NRG1: variants seen among roughly 807,000 people sequenced by gnomAD.
The protein encoded by NRG1 is pro-neuregulin-1, membrane-bound isoform.
Under a neutral mutation model 63.8 loss-of-function variants are expected in NRG1, and 18 were observed. The ratio of observed to expected loss-of-function variants is 0.28; its 90% CI spans 0.19 to 0.42. The LOEUF (loss-of-function observed/expected upper bound fraction) is 0.42. Among genes scored for constraint, NRG1 ranks in the 10% least tolerant of loss-of-function variants. The pLI, the probability that NRG1 is intolerant of heterozygous loss-of-function variation, is 1.00. For synonymous variants in NRG1, 302 were observed against 301.3 expected (o/e 1.00, Z -0.02); for missense variants, 762 against 814.7 (o/e 0.94, Z 0.79).
intron 1 of NRG1, among the ~76,000 whole-genome samples, chr8:31,758,973 T>C (rs1302599848): frequency 6.6e-6 from 1 of 152,178 alleles, no homozygotes; most frequent in African/African-American, 2.4e-5. Flanking sequence ...AGTAACTCAC[T>C]GTGGTTTTAA....
intron 1 of NRG1, among the ~76,000 whole-genome samples, chr8:32,275,296 C>T (rs1851973928): frequency 1.3e-5 from 2 of 151,904 alleles, no homozygotes; most frequent in African/African-American, 4.8e-5. Context: ...TCTGCGCATT[C>T]AGCAGTGAGC....
At chr8:32,685,580 A>G (rs1331350675) in intron 5 of NRG1, among the ~76,000 whole-genome samples, 1 of 152,234 alleles carries the variant, frequency 6.6e-6, no homozygotes, top group Non-Finnish European at 1.5e-5. Flanking sequence ...ATTCCTAGCA[A>G]ATCTTCATGT....
intron 1 of NRG1, among the ~76,000 whole-genome samples, chr8:31,913,044 A>G (rs532896701): frequency 6.6e-6 from 1 of 152,332 alleles, no homozygotes; most frequent in African/African-American, 2.4e-5. Flanking sequence ...CATTTAATTT[A>G]ATACAAACCC....
intron 1 of NRG1, among the ~76,000 whole-genome samples, chr8:32,037,673 C>A (rs982578550): frequency 6.6e-6 from 1 of 152,170 alleles, no homozygotes; most frequent in East Asian, 1.9e-4. Context: ...AGGAATGGGT[C>A]AAGGTTCTGC....
rs185352915 is a variant in NRG1, at chr8:31,859,186, A to G, written c.37+219755A>G. Among the ~76,000 whole-genome samples the G allele has an allele frequency of 5.3e-3, 810 of 152,358 alleles. 13 individuals carry two copies. The highest frequency in any genetic ancestry group is 0.019 in the African/African-American group (787 of 41,590). ...ATATTTGAAAATTAGTAAAATTGCA[A>G]AAAGAAAGCCCTTATTAGCTGTTAA... On this transcript the variant is annotated intron_variant, in intron 1 of 10. Coordinates refer to the NRG1 transcript ENST00000519301.
intron 1 of NRG1, among the ~76,000 whole-genome samples, chr8:31,900,329 G>A (rs1831967277): frequency 6.6e-6 from 1 of 152,132 alleles, no homozygotes; most frequent in African/African-American, 2.4e-5. Context: ...CTTCAAGGGA[G>A]AAAAAGCTCT....
At chr8:32,517,609 A>G (rs1443160211) in intron 1 of NRG1, among the ~76,000 whole-genome samples, 2 of 152,212 alleles carry the variant, frequency 1.3e-5, no homozygotes, top group Admixed American at 1.3e-4. Context: ...ATGCAGCTCT[A>G]CGAAATATAC....
chr8:32,213,309 G>A (rs762535578), intron 1 of NRG1, among the ~76,000 whole-genome samples: 11 of 152,138 alleles, frequency 7.2e-5, no homozygotes, highest in Non-Finnish European at 1.2e-4. Context: ...CATATCCTTT[G>A]CAGGGACATG....
chr8:32,143,265 C>T (rs1447448420), intron 1 of NRG1, among the ~76,000 whole-genome samples: 1 of 151,922 alleles, frequency 6.6e-6, no homozygotes, highest in Non-Finnish European at 1.5e-5. Context: ...AAATAATTCA[C>T]ATGTGCTAAT....
At chr8:32,651,633 C>T (rs2976521) in intron 5 of NRG1, among the ~76,000 whole-genome samples, 7,052 of 152,150 alleles carry the variant, frequency 0.046, 577 homozygotes, top group East Asian at 0.36. Context: ...CATCTTGGGC[C>T]AACTTTGTTT....
At chr8:32,190,462 C>T (rs1020236156) in intron 1 of NRG1, among the ~76,000 whole-genome samples, 10 of 152,076 alleles carry the variant, frequency 6.6e-5, no homozygotes, top group Middle Eastern at 3.2e-3. Context: ...TTCATCTTTC[C>T]GGTTTTACCC....
chr8:32,766,225 A>G (rs890021545), exon 12 of NRG1: 21 of 152,176 alleles, frequency 1.4e-4, no homozygotes, highest in Non-Finnish European at 4.4e-5. Context: ...ACCCTCCCAC[A>G]TGCTCCTACA....
intron 1 of NRG1, among the ~76,000 whole-genome samples, chr8:32,120,084 T>C (rs2131541464): frequency 6.6e-6 from 1 of 152,180 alleles, no homozygotes; most frequent in African/African-American, 2.4e-5. Context: ...TTCTAAGAAG[T>C]AAATTAGTTT....
chr8:32,087,721 A>T (rs2131229923), intron 1 of NRG1, among the ~76,000 whole-genome samples: 1 of 152,104 alleles, frequency 6.6e-6, no homozygotes, highest in South Asian at 2.1e-4. Flanking sequence ...TGCCCGCCTC[A>T]GGCTCCCAAA....
intron 1 of NRG1, among the ~76,000 whole-genome samples, chr8:32,367,438 T>G (rs1808221935): frequency 6.6e-6 from 1 of 152,120 alleles, no homozygotes; most frequent in Non-Finnish European, 1.5e-5. Context: ...GCTAGCCAAT[T>G]GTATGTATTC....
chr8:31,639,388 C>T, exon 1 of NRG1: 1 of 1,534,622 alleles, frequency 6.5e-7, no homozygotes, highest in Non-Finnish European at 8.7e-7. Context: ...TCCGCTCCGG[C>T]AGCAGCATGG....
intron 1 of NRG1, among the ~76,000 whole-genome samples, chr8:32,325,368 TA>T (rs1465803960): frequency 1.3e-5 from 2 of 152,148 alleles, no homozygotes; most frequent in Non-Finnish European, 2.9e-5. Context: ...TTTATATAAT[TA>T]AAAAATTTTT....
chr8:32,065,586 T>TG (rs1457051487), intron 1 of NRG1, among the ~76,000 whole-genome samples: 1 of 152,232 alleles, frequency 6.6e-6, no homozygotes, highest in East Asian at 1.9e-4. Context: ...AGTCTATCAT[T>TG]GTTGGACATT....
chr8:32,075,498 A>G (rs1826361189), intron 1 of NRG1, among the ~76,000 whole-genome samples: 1 of 152,178 alleles, frequency 6.6e-6, no homozygotes, highest in Admixed American at 6.5e-5. Flanking sequence ...CCCCATGGAT[A>G]TCAAAATTAA....
Sources: allele counts gnomAD v4.1 joint callset (sites outside exome capture counted in the v4.1 genomes callset), GRCh38; gene constraint gnomAD v4.1.1; transcripts MANE v1.5; gene names NCBI Gene and HGNC (gene_info 2026-07-23, HGNC 2026-07-21).